OLFM3: variants seen among roughly 807,000 people sequenced by gnomAD.
OLFM3 encodes the protein noelin-3.
OLFM3 carries 20 observed loss-of-function variants against 48.6 expected under a neutral mutation model. The observed-to-expected ratio is 0.41, with a 90% CI of 0.29 to 0.60. The LOEUF is 0.60. Among genes scored for constraint, OLFM3 ranks in the 20% least tolerant of loss-of-function variants. OLFM3 has a pLI of 0.28. For synonymous variants in OLFM3, 222 were observed against 198.1 expected, an observed-to-expected ratio of 1.12 and a Z score of -1.01; for missense variants, 437 against 544.3, an observed-to-expected ratio of 0.80 and a Z score of 1.96.
intron 1 of OLFM3, among the ~76,000 whole-genome samples, chr1:101,927,343 T>C (rs2101044550): frequency 6.6e-6 from 1 of 152,236 alleles, no homozygotes; most frequent in African/African-American, 2.4e-5. Flanking sequence ...TTTTTTATCA[T>C]TCTTAAAAAA....
At chr1:101,942,155 G>C (rs1245816524) in intron 1 of OLFM3, among the ~76,000 whole-genome samples, 3 of 152,128 alleles carry the variant, frequency 2.0e-5, no homozygotes, top group Admixed American at 6.5e-5. Flanking sequence ...GAATATTTGA[G>C]AATCAAAAGA....
chr1:101,873,365 A>T (rs952067481), intron 1 of OLFM3, among the ~76,000 whole-genome samples: 41 of 151,916 alleles, frequency 2.7e-4, no homozygotes, highest in African/African-American at 9.7e-4. Flanking sequence ...GTATGGTGGA[A>T]ATTGTCTTCA....
At chr1:101,945,440 T>A (rs1659931221) in intron 1 of OLFM3, among the ~76,000 whole-genome samples, 1 of 152,124 alleles carries the variant, frequency 6.6e-6, no homozygotes, top group Non-Finnish European at 1.5e-5. Context: ...TATCTAAGAT[T>A]CTAGAAAATA....
At chr1:101,909,151 G>A (rs1302434392) in intron 1 of OLFM3, among the ~76,000 whole-genome samples, 1 of 152,118 alleles carries the variant, frequency 6.6e-6, no homozygotes, top group Non-Finnish European at 1.5e-5. Flanking sequence ...CTTCTCTGCT[G>A]CCACTTGGAC....
chr1:101,942,837 A>C (rs1659835881), intron 1 of OLFM3, among the ~76,000 whole-genome samples: 1 of 152,236 alleles, frequency 6.6e-6, no homozygotes, highest in African/African-American at 2.4e-5. Flanking sequence ...ACAGAGGGAA[A>C]ATAAATCAAG....
At chr1:101,958,993 A>T (rs1660385392) in intron 1 of OLFM3, among the ~76,000 whole-genome samples, 1 of 151,918 alleles carries the variant, frequency 6.6e-6, no homozygotes, top group Admixed American at 6.6e-5. Flanking sequence ...AGATTTGCAG[A>T]ACTTATTCCT....
In OLFM3 at chr1:101,941,475, A is replaced by G. The variant is rs188514885; in HGVS notation, c.69+55273T>C. Among the ~76,000 whole-genome samples, 436 of 152,208 alleles carry G rather than the reference A, an allele frequency of 2.9e-3. 3 individuals carry two copies. Among genetic ancestry groups the G allele is most frequent in the Middle Eastern group, 6.8e-3 (2 of 294 alleles). On this transcript the variant is annotated intron_variant, in intron 1 of 5. Coordinates refer to ENST00000370103, the MANE Select transcript of OLFM3 (RefSeq NM_058170.4). Reference sequence around the variant, plus strand: ...GAGATTATAGTTATATTCTTTGCGGAAAATAAGTTCATGAATGTGACCTCA... The same window carrying G: ...GAGATTATAGTTATATTCTTTGCGGGAAATAAGTTCATGAATGTGACCTCA...
chr1:101,833,940 T>A (rs1655284004), intron 2 of OLFM3, among the ~76,000 whole-genome samples: 1 of 152,182 alleles, frequency 6.6e-6, no homozygotes, highest in Non-Finnish European at 1.5e-5. Flanking sequence ...TTAAAAAAAA[T>A]CACACTTTAG....
At chr1:101,846,540 C>CATAT (rs772041353) in intron 1 of OLFM3, among the ~76,000 whole-genome samples, 7 of 149,780 alleles carry the variant, frequency 4.7e-5, no homozygotes, top group African/African-American at 1.7e-4. Context: ...AGAAACAAAA[C>CATAT]ATATATATAT....
chr1:101,977,933 A>G (rs1459379025), intron 1 of OLFM3, among the ~76,000 whole-genome samples: 1 of 152,150 alleles, frequency 6.6e-6, no homozygotes. Context: ...TTTCTTTCTC[A>G]TAACATATAC....
intron 1 of OLFM3, among the ~76,000 whole-genome samples, chr1:101,925,381 T>A (rs935511425): frequency 6.6e-6 from 1 of 152,146 alleles, no homozygotes; most frequent in Non-Finnish European, 1.5e-5. Flanking sequence ...TCTGCACTTC[T>A]AAATTAGATG....
At chr1:101,919,267 C>T (rs1319654406) in intron 1 of OLFM3, among the ~76,000 whole-genome samples, 1 of 152,050 alleles carries the variant, frequency 6.6e-6, no homozygotes, top group Non-Finnish European at 1.5e-5. Flanking sequence ...CCTCTATTAT[C>T]CCATTTCTCT....
chr1:101,919,344 A>T (rs2101036463), intron 1 of OLFM3, among the ~76,000 whole-genome samples: 1 of 151,932 alleles, frequency 6.6e-6, no homozygotes, highest in East Asian at 1.9e-4. Context: ...TTTTTTTCTC[A>T]TTCTACGTTT....
intron 1 of OLFM3, among the ~76,000 whole-genome samples, chr1:101,914,319 T>C (rs891836568): frequency 1.3e-5 from 2 of 152,142 alleles, no homozygotes; most frequent in Non-Finnish European, 2.9e-5. Flanking sequence ...GCTTACCACA[T>C]TGTTTTTGAA....
At chr1:101,946,100 G>GC (rs1414325035) in intron 1 of OLFM3, among the ~76,000 whole-genome samples, 1 of 152,134 alleles carries the variant, frequency 6.6e-6, no homozygotes. Context: ...CCACTTGGGT[G>GC]CCTTGGTCAG....
At chr1:101,806,567 C>T (rs1487632809) in intron 4 of OLFM3, among the ~76,000 whole-genome samples, 1 of 151,782 alleles carries the variant, frequency 6.6e-6, no homozygotes, top group Non-Finnish European at 1.5e-5. Context: ...TCCTTCCCTT[C>T]CCCTGTCCCC....
chr1:101,914,861 G>T (rs1004838333), intron 1 of OLFM3, among the ~76,000 whole-genome samples: 3 of 152,174 alleles, frequency 2.0e-5, no homozygotes, highest in Non-Finnish European at 4.4e-5. Context: ...TTGACAGAAA[G>T]AAGAGGTTGG....
intron 1 of OLFM3, among the ~76,000 whole-genome samples, chr1:101,840,399 T>A (rs6681276): frequency 2.6e-5 from 4 of 151,702 alleles, no homozygotes; most frequent in Admixed American, 2.0e-4. Context: ...TATCAGCCAG[T>A]GAGTAGGGAG....
At chr1:101,993,227 A>C (rs1661465262) in intron 1 of OLFM3, among the ~76,000 whole-genome samples, 1 of 152,120 alleles carries the variant, frequency 6.6e-6, no homozygotes, top group Non-Finnish European at 1.5e-5. Context: ...TATAGTTCAG[A>C]GCAGAGAAAT....
Sources: allele counts gnomAD v4.1 joint callset (sites outside exome capture counted in the v4.1 genomes callset), GRCh38; gene constraint gnomAD v4.1.1; transcripts MANE v1.5; gene names NCBI Gene and HGNC (gene_info 2026-07-23, HGNC 2026-07-21).